TRPC5: variants seen among roughly 807,000 people sequenced by gnomAD.
The protein encoded by TRPC5 is transient receptor potential cation channel subfamily C member 5, also known as short transient receptor potential channel 5.
In TRPC5, 9 loss-of-function variants were observed where a neutral mutation model predicts 56.5. That is an observed-to-expected ratio of 0.16 (90% confidence interval 0.10 to 0.28). TRPC5 has a LOEUF of 0.28. TRPC5 is among the 10% of genes least tolerant of loss of function. The pLI is 1.00. For missense variants in TRPC5, 469 were observed against 748.9 expected, an observed-to-expected ratio of 0.63 and a Z score of 4.36; for synonymous variants, 282 against 278.5, an observed-to-expected ratio of 1.01 and a Z score of -0.13.
chrX:111,950,207 C>G (rs1012908925), intron 2 of TRPC5, among the ~76,000 whole-genome samples: 8 of 110,420 alleles, frequency 7.2e-5, no homozygotes, highest in Non-Finnish European at 1.5e-4. Flanking sequence ...CACCTGTAGT[C>G]CCAGCTACTC....
chrX:111,988,315 T>C (rs1253282005), intron 1 of TRPC5, among the ~76,000 whole-genome samples: 3 of 110,876 alleles, frequency 2.7e-5, no homozygotes, highest in Non-Finnish European at 5.6e-5. Context: ...TTAGGTGCCA[T>C]ATGCCTGTCA....
In TRPC5 at chrX:112,081,467, C is replaced by A. The variant is rs937746094; in HGVS notation, c.-22+412G>T. On this transcript the variant is annotated intron_variant, in intron 1 of 10. Transcript: ENST00000262839. ...CTCTATTTCTGAAGGTGGCTTTTGA[C>A]GAAGGGCAGGTATCCTTGGTCCGAG... Among the ~76,000 whole-genome samples, 3 of 111,136 alleles carry A rather than the reference C, an allele frequency of 2.7e-5. No homozygotes were observed. In the South Asian group the frequency reaches 1.2e-3, roughly 43 times the overall value.
chrX:111,777,221 T>C (rs1477992225), intron 10 of TRPC5, among the ~76,000 whole-genome samples: 3 of 111,543 alleles, frequency 2.7e-5, no homozygotes, highest in Non-Finnish European at 5.6e-5. Context: ...GTAAAGTTGA[T>C]TCAGGATTAG....
intron 3 of TRPC5, among the ~76,000 whole-genome samples, chrX:111,873,502 G>C (rs1308955735): frequency 9.0e-6 from 1 of 111,553 alleles, no homozygotes; most frequent in Non-Finnish European, 1.9e-5. Context: ...AAAATTTGAA[G>C]CTGGGTGTGA....
At chrX:111,950,198 A>G (rs1419423957) in intron 2 of TRPC5, among the ~76,000 whole-genome samples, 9 of 110,223 alleles carry the variant, frequency 8.2e-5, no homozygotes, top group East Asian at 2.9e-4. Flanking sequence ...GGTGGCAGGC[A>G]CCTGTAGTCC....
intron 1 of TRPC5, among the ~76,000 whole-genome samples, chrX:111,993,649 C>T (rs1325931277): frequency 8.9e-6 from 1 of 112,294 alleles, no homozygotes; most frequent in Non-Finnish European, 1.9e-5. Context: ...TCTCTGGTGA[C>T]CAGTGATGAT....
At chrX:111,963,482 C>T (rs766700951) in intron 1 of TRPC5, among the ~76,000 whole-genome samples, 1 of 112,154 alleles carries the variant, frequency 8.9e-6, no homozygotes, top group African/African-American at 3.2e-5. Context: ...AGTAGTGGTT[C>T]TCCCAGCACG....
intron 1 of TRPC5, among the ~76,000 whole-genome samples, chrX:111,962,700 T>C (rs977339922): frequency 3.6e-5 from 4 of 112,612 alleles, no homozygotes; most frequent in South Asian, 3.7e-4. Context: ...TTTGAGAAGA[T>C]TGATTCCAAA....
intron 7 of TRPC5, among the ~76,000 whole-genome samples, chrX:111,825,146 C>CCTTCCTTCCTTTCTTT (rs1922158948): frequency 6.7e-5 from 4 of 59,385 alleles, no homozygotes; most frequent in African/African-American, 2.1e-4. Context: ...TTCCTTCCTT[C>CCTTCCTTCCTTTCTTT]CTTTCTTTCT....
At chrX:111,891,736 A>T (rs1569527513) in intron 3 of TRPC5, among the ~76,000 whole-genome samples, 1 of 110,315 alleles carries the variant, frequency 9.1e-6, no homozygotes, top group African/African-American at 3.3e-5. Context: ...TTTTGTAGAG[A>T]CGGGATTTCA....
chrX:111,859,851 C>T (rs1923343614), intron 3 of TRPC5, among the ~76,000 whole-genome samples: 1 of 112,241 alleles, frequency 8.9e-6, no homozygotes, highest in Non-Finnish European at 1.9e-5. Flanking sequence ...ATTCTTATTG[C>T]ATTGATGCAA....
intron 1 of TRPC5, among the ~76,000 whole-genome samples, chrX:112,035,959 A>G (rs1033782776): frequency 1.1e-5 from 1 of 93,816 alleles, no homozygotes; most frequent in Non-Finnish European, 2.1e-5. Flanking sequence ...ACACACACAC[A>G]TATATATATA....
intron 1 of TRPC5, among the ~76,000 whole-genome samples, chrX:112,021,189 CT>C (rs901108078): frequency 2.7e-5 from 3 of 110,489 alleles, no homozygotes; most frequent in Non-Finnish European, 3.8e-5. Context: ...AGCTTTTTCT[CT>C]TTTTTTTCTG....
At position 111,847,483 on chromosome X, in the gene TRPC5, T is replaced by C. The variant is rs777768546; in HGVS notation, c.1378-47A>G. ...CAAGATGAGGGGTACAGTGAACATT[T>C]ATAAAACTTTCCCTTTTTTCCTTGC... On this transcript the variant is annotated intron_variant, in intron 5 of 10. Transcript: ENST00000262839. 13 of 1,112,072 alleles carry C rather than the reference T, an allele frequency of 1.2e-5. No homozygotes were observed. The South Asian group carries it at 2.5e-4, about 22-fold the overall frequency. The allele number at this position is 1,112,072 out of a possible 1,213,427, so 91.6% of individuals were successfully genotyped here.
At position 112,082,250 on chromosome X, in the gene TRPC5, C is replaced by A. The variant is rs1007072508; in HGVS notation, c.-393G>T. Reference sequence around the variant, plus strand: ...CTAACCCAACCTGAGCCCCTTCAAGCGCACCCACTCCCTTCACGCAGCCAG... The same window carrying A: ...CTAACCCAACCTGAGCCCCTTCAAGAGCACCCACTCCCTTCACGCAGCCAG... On this transcript the variant is annotated 5_prime_UTR_variant, in exon 1 of 11. Transcript: ENST00000262839. 9.0e-6 allele frequency: 1 copy of A among 111,471 alleles called. No individual in the cohort carries two copies. Among genetic ancestry groups the A allele is most frequent in the Non-Finnish European group, 1.9e-5 (1 of 53,316 alleles). The allele number at this position is 111,471 out of a possible 1,213,427, so 9.2% of individuals were successfully genotyped here.
chrX:112,023,259 T>G (rs1216792241), intron 1 of TRPC5, among the ~76,000 whole-genome samples: 15 of 99,870 alleles, frequency 1.5e-4, no homozygotes, highest in East Asian at 9.2e-4. Context: ...TTTTTTTTTT[T>G]TTTTTTTTTT....
At chrX:111,994,970 T>G (rs1290703460) in intron 1 of TRPC5, among the ~76,000 whole-genome samples, 4 of 111,960 alleles carry the variant, frequency 3.6e-5, no homozygotes, top group Non-Finnish European at 7.5e-5. Context: ...TTCTCTTGCC[T>G]GATTGCCCTG....
intron 7 of TRPC5, among the ~76,000 whole-genome samples, chrX:111,806,960 G>A (rs1921534776): frequency 9.0e-6 from 1 of 111,598 alleles, no homozygotes; most frequent in African/African-American, 3.3e-5. Context: ...TTCATTACAT[G>A]TTATTTGCTT....
chrX:112,025,479 G>A (rs1459848304), intron 1 of TRPC5, among the ~76,000 whole-genome samples: 3 of 111,932 alleles, frequency 2.7e-5, no homozygotes, highest in Non-Finnish European at 5.6e-5. Context: ...ACACCATGTC[G>A]TAAATTTGTT....
Sources: allele counts gnomAD v4.1 joint callset (sites outside exome capture counted in the v4.1 genomes callset), GRCh38; gene constraint gnomAD v4.1.1; transcripts MANE v1.5; gene names NCBI Gene and HGNC (gene_info 2026-07-23, HGNC 2026-07-21).